ZNF500: variants seen among roughly 807,000 people sequenced by gnomAD.
ZNF500 encodes zinc finger protein with KRAB and SCAN domains 18.
A neutral mutation model predicts 30.1 loss-of-function variants in ZNF500; 31 were observed. The ratio of observed to expected loss-of-function variants is 1.03; its 90% CI spans 0.77 to 1.39. ZNF500 has a LOEUF of 1.39. ZNF500 is among the 40% of genes most tolerant of loss of function. The probability of loss-of-function intolerance (pLI) is 0.00; values close to 1 mark genes in which losing one functional copy is unlikely to be tolerated. For synonymous variants in ZNF500, 392 were observed against 282.0 expected, an observed-to-expected ratio of 1.39 and a Z score of -3.91; for missense variants, 817 against 657.8, an observed-to-expected ratio of 1.24 and a Z score of -2.65.
chr16:4,752,163 C>A lies in ZNF500; in HGVS notation c.*213G>T, dbSNP rs935637507. ...TCTGTGTCACCTGTTCTGGCTGCCA[C>A]TGGACACTCAGAGCCTGTCCTTGCC... On this transcript the variant is annotated 3_prime_UTR_variant, in exon 6 of 6. Coordinates refer to ENST00000219478, the MANE Select transcript of ZNF500 (RefSeq NM_021646.4). 1.4e-6 allele frequency: 2 copies of A among 1,386,558 alleles called. No homozygotes were observed. Among genetic ancestry groups the A allele is most frequent in the African/African-American group, 1.5e-5 (1 of 68,890 alleles). The allele number at this position is 1,386,558 out of a possible 1,614,324, so 85.9% of individuals were successfully genotyped here. A position where few individuals can be genotyped will look rare whatever the true frequency, so the allele number is the denominator to read the frequency against.
In ZNF500 at chr16:4,752,670, G is replaced by A; in HGVS notation, c.1149C>T (p.Cys383=). 6.2e-7 allele frequency: 1 copy of A among 1,613,798 alleles called. No individual in the cohort carries two copies. The highest frequency in any genetic ancestry group is 8.5e-7 in the Non-Finnish European group (1 of 1,179,906). Residue 383 remains cysteine, a synonymous_variant, in exon 6 of 6, where the codon TGC becomes TGT. Coordinates refer to ENST00000219478, the MANE Select transcript of ZNF500 (RefSeq NM_021646.4). ...RVHTGEKPYP[C]PECGKRFSQS... ...GGCTGAAGCGCTTCCCACACTCGGG[G>A]CACGGGTAGGGCTTCTCGCCTGTGT...
chr16:4,752,397 T>A lies in ZNF500; in HGVS notation c.1422A>T (p.Gly474=), dbSNP rs2082089851. The A allele has an allele frequency of 1.3e-6, 2 of 1,517,612 alleles. No homozygotes were observed. Among genetic ancestry groups the A allele is most frequent in the Non-Finnish European group, 1.8e-6 (2 of 1,135,802 alleles). The allele number at this position is 1,517,612 out of a possible 1,614,324, so 94.0% of individuals were successfully genotyped here. ...SLPTLQPVAP[G]GPGAKA Reference sequence around the variant, plus strand: ...GTGATCAGGCTTTGGCACCGGGGCCTCCAGGAGCCACCGGCTGGAGCGTCG... The same window carrying A: ...GTGATCAGGCTTTGGCACCGGGGCCACCAGGAGCCACCGGCTGGAGCGTCG... Residue 474 remains glycine (G), a synonymous_variant, in exon 6 of 6, where the codon GGA becomes GGT. Coordinates refer to ENST00000219478, the MANE Select transcript of ZNF500 (RefSeq NM_021646.4).
chr16:4,763,196 G>A (rs923901680), intron 2 of ZNF500: 30 of 834,658 alleles, frequency 3.6e-5, no homozygotes, highest in Non-Finnish European at 4.2e-5. Flanking sequence ...CCAGGAGTTC[G>A]AGACCAGCCT....
At chr16:4,747,112 G>T, downstream of ZNF500, 2 of 1,344,764 alleles carry the variant, frequency 1.5e-6, no homozygotes, top group Admixed American at 2.9e-5. Context: ...TTTACCGCCT[G>T]TGGTGAGGTC....
chr16:4,754,628 C>A (rs2082117739), intron 5 of ZNF500, among the ~76,000 whole-genome samples: 1 of 150,154 alleles, frequency 6.7e-6, no homozygotes. Context: ...CGTGCCACTG[C>A]ACTCCAGCCT....
rs746513186 is a variant in ZNF500, at chr16:4,765,874, C to T, written c.105G>A (p.Glu35=). Residue 35 remains glutamate (E), a synonymous_variant, in exon 2 of 6, where the codon GAG becomes GAA. Coordinates refer to ENST00000219478, the MANE Select transcript of ZNF500 (RefSeq NM_021646.4). ...GGTCCTCCGTCTCCACGGAGGGCTC[C>T]TCTTCCAAGCAGAAGTCCTCCTCCA... ...VKVEEDFCLE[E]EPSVETEDPS... is the part of the protein sequence containing the mutation. 9.9e-6 allele frequency: 16 copies of T among 1,613,616 alleles called. 1 individual carries two copies. The Admixed American group carries it at 1.8e-4, about 18-fold the overall frequency.
downstream of ZNF500, among the ~76,000 whole-genome samples, chr16:4,745,659 G>C (rs1207255371): frequency 6.6e-6 from 1 of 152,152 alleles, no homozygotes; most frequent in Non-Finnish European, 1.5e-5. Flanking sequence ...TAACAGAAGT[G>C]GCTACACCTG....
rs567234812 is a variant in ZNF500 at position 4,760,242 on chromosome 16, G to T, written c.760+250C>A. 7.9e-5 allele frequency among the ~76,000 whole-genome samples: 12 copies of T among 152,282 alleles called. 1 individual carries two copies. In the South Asian group the frequency reaches 2.3e-3, roughly 29 times the overall value. On this transcript the variant is annotated intron_variant, in intron 5 of 5. Coordinates refer to ENST00000219478, the MANE Select transcript of ZNF500 (RefSeq NM_021646.4). ...GAGGAGGGCACAGGGAAGCTGAAGT[G>T]AAGTAGGACCAGCATGTAGGGGGCA...
At chr16:4,762,508 A>G in intron 3 of ZNF500, 65 bp downstream of exon 3, 2 of 1,548,968 alleles carry the variant, frequency 1.3e-6, no homozygotes, top group South Asian at 2.5e-5. Context: ...CACAGTCCAC[A>G]CCCCAGTCAC....
At chr16:4,766,200 G>A (rs1244849397) in intron 1 of ZNF500, 124 bp from the exon 2 acceptor site, 1 of 466,942 alleles carries the variant, frequency 2.1e-6, no homozygotes, top group Non-Finnish European at 3.7e-6. Flanking sequence ...AAAAGGAAGT[G>A]GATGAATGTC....
intron 4 of ZNF500, among the ~76,000 whole-genome samples, chr16:4,761,979 A>T (rs2082206804): frequency 6.6e-6 from 1 of 152,168 alleles, no homozygotes; most frequent in South Asian, 2.1e-4. Flanking sequence ...GAGTCCCAAG[A>T]GATTCCTGTG....
At position 4,752,933 on chromosome 16, in the gene ZNF500, C is replaced by A; in HGVS notation, c.886G>T (p.Ala296Ser). Residue 296 changes from alanine (A) to serine (S), a missense_variant, in exon 6 of 6, where the codon GCC (alanine) becomes TCC (serine). Transcript: ENST00000219478. Reference sequence around the variant, plus strand: ...GGCCTGACCAAGCCCCTGACTGGGGCTGGCCTCTGACCTGGGAGCGGGTGG... The same window carrying A: ...GGCCTGACCAAGCCCCTGACTGGGGATGGCCTCTGACCTGGGAGCGGGTGG... ...PGHPLPGQRP[A>S]PVRGLVRPDQ... The A allele has an allele frequency of 3.7e-6, 6 of 1,613,172 alleles. No homozygotes were observed. The highest frequency in any genetic ancestry group is 5.1e-6 in the Non-Finnish European group (6 of 1,179,712).
At chr16:4,761,528 T>C (rs760184987) in intron 4 of ZNF500, among the ~76,000 whole-genome samples, 161 of 101,368 alleles carry the variant, frequency 1.6e-3, no homozygotes, top group African/African-American at 4.5e-3. Context: ...CACACACACA[T>C]ATAAAAATTA....
chr16:4,763,462 T>C, intron 2 of ZNF500: 1 of 782,872 alleles, frequency 1.3e-6, no homozygotes, highest in African/African-American at 1.9e-5. Flanking sequence ...AGATGATCTA[T>C]TTCCTAATTC....
intron 4 of ZNF500, among the ~76,000 whole-genome samples, chr16:4,760,969 G>C (rs2141844452): frequency 6.6e-6 from 1 of 152,272 alleles, no homozygotes; most frequent in Non-Finnish European, 1.5e-5. Context: ...TGGGCCAGTG[G>C]CTCCCAGATG....
Position 4,751,936 on chromosome 16 carries a change from G to T in ZNF500, c.*440C>A. 7.2e-6 allele frequency: 3 copies of T among 416,752 alleles called. No individual in the cohort carries two copies. Among genetic ancestry groups the T allele is most frequent in the South Asian group, 3.4e-5 (1 of 29,104 alleles). 25.8% of individuals were successfully genotyped at this position (416,752 alleles called of 1,614,324 possible). On this transcript the variant is annotated 3_prime_UTR_variant, in exon 6 of 6. Transcript: ENST00000219478. The stretch of plus-strand genomic sequence containing the variant: ...AAAAAAAGGGGGGGGGAGCAGGTGG[G>T]GGGTACACACAGAGACAGCGCACAG...
Position 4,749,929 on chromosome 16 carries a change from G to C in ZNF500, c.*2447C>G, listed in dbSNP as rs979587878. The C allele has an allele frequency of 6.6e-6, 1 of 152,338 alleles. No individual in the cohort carries two copies. Among genetic ancestry groups the C allele is most frequent in the African/African-American group, 2.4e-5 (1 of 41,450 alleles). The allele number at this position is 152,338 out of a possible 1,614,324, so 9.4% of individuals were successfully genotyped here. ...AGCTCCTACAAAACTCTCCCATCAC[G>C]TGAGTGCTGAGGATGACGCCCATGA... On this transcript the variant is annotated 3_prime_UTR_variant, in exon 6 of 6. Transcript: ENST00000219478.
Position 4,766,044 on chromosome 16 carries a change from G to A in ZNF500, c.-66C>T. On this transcript the variant is annotated 5_prime_UTR_variant, in exon 2 of 6. Coordinates refer to ENST00000219478, the MANE Select transcript of ZNF500 (RefSeq NM_021646.4). ...GAACCTGTCTCTCTCTATACCTCTG[G>A]CCAGACACAGGAAGAGAGTTTTTTT... 2 of 1,488,434 alleles carry A rather than the reference G, an allele frequency of 1.3e-6. No individual in the cohort carries two copies. Among genetic ancestry groups the A allele is most frequent in the East Asian group, 2.3e-5 (1 of 43,728 alleles). 92.2% of individuals were successfully genotyped at this position (1,488,434 alleles called of 1,614,324 possible).
At chr16:4,755,269 T>C (rs888250842) in intron 5 of ZNF500, among the ~76,000 whole-genome samples, 3 of 151,960 alleles carry the variant, frequency 2.0e-5, no homozygotes, top group Non-Finnish European at 2.9e-5. Context: ...TGCTGAGATA[T>C]AGGCGTGAGC....
Sources: gnomAD v4.1 joint callset for allele counts (sites outside exome capture counted in the v4.1 genomes callset) on GRCh38, gnomAD v4.1.1 for gene constraint, MANE v1.5 for transcripts, NCBI Gene and HGNC (gene_info 2026-07-23, HGNC 2026-07-21) for gene names.